The following CENPW variants were observed in gnomAD, a reference collection of about 807,000 sequenced individuals.
CENPW encodes the protein cancer-up-regulated gene 2 protein.
Under a neutral mutation model 11.1 loss-of-function variants are expected in CENPW, and 3 were observed. That is an observed-to-expected ratio of 0.27 (90% CI 0.12 to 0.70). The LOEUF is 0.70. CENPW is among the 30% of genes least tolerant of loss of function. CENPW has a pLI of 0.77. For missense variants in CENPW, 100 were observed against 105.6 expected, an observed-to-expected ratio of 0.95 and a Z score of 0.23; for synonymous variants, 38 against 42.0, an observed-to-expected ratio of 0.91 and a Z score of 0.37.
At chr6:126,397,254 C>G in the CENPW span, among the ~76,000 whole-genome samples, 1 of 152,114 alleles carries the variant, frequency 6.6e-6, no homozygotes, top group Admixed American at 6.5e-5. Context: ...ATTCTCCTCT[C>G]CCTAGGGCTA....
the CENPW span, among the ~76,000 whole-genome samples, chr6:126,438,749 G>A: frequency 6.6e-6 from 1 of 151,422 alleles, no homozygotes; most frequent in East Asian, 1.9e-4. Context: ...TATATTCAGG[G>A]GAAAAGATTA....
the CENPW span, among the ~76,000 whole-genome samples, chr6:126,387,607 A>T: frequency 6.6e-6 from 1 of 151,976 alleles, no homozygotes; most frequent in Non-Finnish European, 1.5e-5. Context: ...CAAAGAAGAC[A>T]TGAATCAGTC....
the CENPW span, among the ~76,000 whole-genome samples, chr6:126,463,900 CA>C: frequency 6.6e-6 from 1 of 151,788 alleles, no homozygotes; most frequent in Non-Finnish European, 1.5e-5. Flanking sequence ...TAAATGCTTC[CA>C]AAAATTTTTA....
the CENPW span, among the ~76,000 whole-genome samples, chr6:126,403,731 A>G: frequency 6.6e-6 from 1 of 151,878 alleles, no homozygotes; most frequent in African/African-American, 2.4e-5. Context: ...AGAAGCTAAA[A>G]TACAAGATGA....
the CENPW span, among the ~76,000 whole-genome samples, chr6:126,438,115 G>A: frequency 6.6e-6 from 1 of 151,094 alleles, no homozygotes; most frequent in African/African-American, 2.4e-5. Context: ...AAAATGTGAT[G>A]TTAATGCCCA....
At chr6:126,368,836 G>A in the CENPW span, among the ~76,000 whole-genome samples, 80 of 152,020 alleles carry the variant, frequency 5.3e-4, no homozygotes, top group African/African-American at 1.8e-3. Flanking sequence ...TGGTAGAGAC[G>A]GGATTTCACT....
At chr6:126,411,065 G>T in the CENPW span, among the ~76,000 whole-genome samples, 2 of 151,856 alleles carry the variant, frequency 1.3e-5, no homozygotes, top group African/African-American at 4.8e-5. Context: ...CATATTTTCT[G>T]TGTCTCTGTA....
chr6:126,465,844 C>T, the CENPW span, among the ~76,000 whole-genome samples: 35 of 152,064 alleles, frequency 2.3e-4, no homozygotes, highest in South Asian at 6.2e-4. Flanking sequence ...AAAACAAAGA[C>T]GTAAAACTTA....
chr6:126,377,591 G>A, the CENPW span, among the ~76,000 whole-genome samples: 93 of 152,290 alleles, frequency 6.1e-4, no homozygotes, highest in African/African-American at 2.2e-3. Context: ...TAGCCAGTGT[G>A]AGTCTGTTGT....
At chr6:126,380,485 G>A in the CENPW span, among the ~76,000 whole-genome samples, 1 of 152,162 alleles carries the variant, frequency 6.6e-6, no homozygotes, top group Non-Finnish European at 1.5e-5. Flanking sequence ...TCATGGCAGA[G>A]GGTTTCCCTG....
the CENPW span, among the ~76,000 whole-genome samples, chr6:126,458,356 C>T: frequency 6.6e-6 from 1 of 151,264 alleles, no homozygotes; most frequent in Non-Finnish European, 1.5e-5. Context: ...CTCACTCTTC[C>T]CCCAAAATAT....
At chr6:126,397,006 G>T in the CENPW span, among the ~76,000 whole-genome samples, 1 of 151,968 alleles carries the variant, frequency 6.6e-6, no homozygotes, top group Non-Finnish European at 1.5e-5. Context: ...TCTGCAAGAT[G>T]CACTACATGG....
At chr6:126,383,924 C>T in the CENPW span, among the ~76,000 whole-genome samples, 1 of 151,940 alleles carries the variant, frequency 6.6e-6, no homozygotes, top group East Asian at 1.9e-4. Context: ...ACCTGATAGA[C>T]ATCTACAGAG....
the CENPW span, among the ~76,000 whole-genome samples, chr6:126,393,049 G>A: frequency 2.6e-5 from 4 of 151,630 alleles, no homozygotes; most frequent in Admixed American, 6.6e-5. Flanking sequence ...GAATGTGTCC[G>A]TTTCTTTTAG....
At chr6:126,411,840 G>A in the CENPW span, among the ~76,000 whole-genome samples, 20 of 152,066 alleles carry the variant, frequency 1.3e-4, no homozygotes, top group Admixed American at 2.6e-4. Context: ...TGTTTATCTG[G>A]AATTTATATT....
At chr6:126,431,009 C>T in the CENPW span, among the ~76,000 whole-genome samples, 1 of 151,976 alleles carries the variant, frequency 6.6e-6, no homozygotes, top group Non-Finnish European at 1.5e-5. Flanking sequence ...ATAAGAAACA[C>T]CATATTTTTA....
the CENPW span, among the ~76,000 whole-genome samples, chr6:126,467,787 A>AG: frequency 3.3e-5 from 5 of 152,176 alleles, no homozygotes; most frequent in African/African-American, 9.6e-5. Context: ...CAGTATAAAA[A>AG]GGGGCAAAAA....
At chr6:126,405,953 G>T in the CENPW span, among the ~76,000 whole-genome samples, 1 of 151,890 alleles carries the variant, frequency 6.6e-6, no homozygotes. Context: ...GGGACAATTT[G>T]ACTTCCTATT....
chr6:126,340,815 A>G (rs906881925), intron 1 of CENPW, among the ~76,000 whole-genome samples: 2 of 152,178 alleles, frequency 1.3e-5, no homozygotes, highest in African/African-American at 4.8e-5. Context: ...TGTAAAAGGC[A>G]TTGCTCACAT....
Sources: gnomAD v4.1 joint callset for allele counts (sites outside exome capture counted in the v4.1 genomes callset) on GRCh38, gnomAD v4.1.1 for gene constraint, MANE v1.5 for transcripts, NCBI Gene and HGNC (gene_info 2026-07-23, HGNC 2026-07-21) for gene names.